Variants in CYP4F12 observed in about 807,000 individuals in gnomAD.
CYP4F12 encodes cytochrome P450 4F12.
CYP4F12 carries 60 observed loss-of-function variants against 56.5 expected under a neutral mutation model. The observed-to-expected ratio is 1.06, with a 90% confidence interval of 0.86 to 1.32. CYP4F12 has a LOEUF of 1.32. CYP4F12 is among the 40% of genes most tolerant of loss of function. The pLI is 0.00. For synonymous variants in CYP4F12, 263 were observed against 264.9 expected, an observed-to-expected ratio of 0.99 and a Z score of 0.07; for missense variants, 711 against 683.5, an observed-to-expected ratio of 1.04 and a Z score of -0.45.
intron 9 of CYP4F12, among the ~76,000 whole-genome samples, chr19:15,690,078 C>A (rs932390886): frequency 6.6e-5 from 10 of 152,192 alleles, no homozygotes; most frequent in African/African-American, 2.4e-4. Flanking sequence ...AACCAAACCA[C>A]TTATATCCCA....
intron 3 of CYP4F12, among the ~76,000 whole-genome samples, chr19:15,679,991 T>C (rs1213478271): frequency 6.6e-6 from 1 of 152,298 alleles, no homozygotes; most frequent in East Asian, 1.9e-4. Context: ...GCAGAACATG[T>C]TGGGATATAT....
Position 15,673,514 on chromosome 19 carries a change from C to A in CYP4F12, c.-1-15C>A. On this transcript the variant is annotated splice_polypyrimidine_tract_variant and intron_variant, in intron 1 of 12. Coordinates refer to ENST00000550308, the MANE Select transcript of CYP4F12 (RefSeq NM_023944.4). ...GGGCCTCAGGTCCTCACCCTGCATCCCCTCTGCCCTGCAGGATGTCGCTGC... is the reference window on the plus strand; with the variant it reads ...GGGCCTCAGGTCCTCACCCTGCATCACCTCTGCCCTGCAGGATGTCGCTGC... 1 of 1,611,790 alleles carries A rather than the reference C, an allele frequency of 6.2e-7. No homozygotes were observed. The highest frequency in any genetic ancestry group is 1.3e-5 in the African/African-American group (1 of 75,030).
chr19:15,693,219 T>C (rs957370858), intron 9 of CYP4F12, among the ~76,000 whole-genome samples: 2 of 152,220 alleles, frequency 1.3e-5, no homozygotes, highest in South Asian at 4.1e-4. Context: ...GTAAATGGCA[T>C]TGGGCCATAG....
chr19:15,680,238 T>C lies in CYP4F12; in HGVS notation c.344-6T>C, dbSNP rs767908666. 4 of 1,596,598 alleles carry C rather than the reference T, an allele frequency of 2.5e-6. No individual in the cohort carries two copies. The highest frequency in any genetic ancestry group is 4.5e-5 in the East Asian group (2 of 44,876). ...CATGGCCCCTGATGGTCCTCGTTCA[T>C]GTCAGCTGCCATTGCACCCAAGGAT... On this transcript the variant is annotated splice_region_variant and splice_polypyrimidine_tract_variant and intron_variant, in intron 3 of 12. Transcript: ENST00000550308.
chr19:15,681,323 C>T (rs1293722017), intron 5 of CYP4F12: 4 of 152,256 alleles, frequency 2.6e-5, no homozygotes, highest in Non-Finnish European at 5.9e-5. Context: ...GGTACGAATA[C>T]AGGGAGAAGT....
intron 9 of CYP4F12, among the ~76,000 whole-genome samples, chr19:15,694,896 T>C (rs1334008848): frequency 2.0e-5 from 3 of 152,228 alleles, no homozygotes; most frequent in Non-Finnish European, 4.4e-5. Flanking sequence ...ACTTTTACAC[T>C]GTTGGTGGGA....
chr19:15,674,368 C>T lies in CYP4F12; in HGVS notation c.198+641C>T, dbSNP rs551008161. On this transcript the variant is annotated intron_variant, in intron 2 of 12. Coordinates refer to ENST00000550308, the MANE Select transcript of CYP4F12 (RefSeq NM_023944.4). Reference sequence around the variant, plus strand: ...CCACTCACTCATTCCTCTCCTCACTCACTCATTCCTCTACCCACTCACTCA... The same window carrying T: ...CCACTCACTCATTCCTCTCCTCACTTACTCATTCCTCTACCCACTCACTCA... Among the ~76,000 whole-genome samples the T allele has an allele frequency of 1.3e-3, 126 of 93,418 alleles. 26 individuals carry two copies. Among genetic ancestry groups the T allele is most frequent in the African/African-American group, 4.9e-3 (116 of 23,690 alleles). 61.3% of individuals were successfully genotyped at this position (93,418 alleles called of 152,430 possible). A position where few individuals can be genotyped will look rare whatever the true frequency, so the allele number is the denominator to read the frequency against.
At chr19:15,680,776 A>G in intron 5 of CYP4F12, 1 of 509,480 alleles carries the variant, frequency 2.0e-6, no homozygotes. Context: ...GAGAGTAAAA[A>G]TGAAGATTGT....
chr19:15,680,483 T>TA lies in CYP4F12; in HGVS notation c.490dup (p.Ile164AsnfsTer13). ...TCCATTTCAACATCCTGAAGTCCTATATAACGATCTTCAACAAGAGTGCAA... is the reference window on the plus strand; with the variant it reads ...TCCATTTCAACATCCTGAAGTCCTATAATAACGATCTTCAACAAGAGTGCAA... On this transcript the variant is annotated frameshift_variant, in exon 5 of 13. Coordinates refer to ENST00000550308, the MANE Select transcript of CYP4F12 (RefSeq NM_023944.4). LOFTEE classifies it high-confidence loss of function. The TA allele has an allele frequency of 6.2e-7, 1 of 1,614,158 alleles. No homozygotes were observed. Among genetic ancestry groups the TA allele is most frequent in the South Asian group, 1.1e-5 (1 of 91,074 alleles).
intron 8 of CYP4F12, 72 bp from the exon 9 acceptor site, chr19:15,684,996 C>T: frequency 6.3e-7 from 1 of 1,585,672 alleles, no homozygotes; most frequent in Non-Finnish European, 8.6e-7. Context: ...CCTCCATCCT[C>T]CTGAGGGCCT....
chr19:15,695,179 A>G (rs1025166217), intron 9 of CYP4F12, among the ~76,000 whole-genome samples: 6 of 152,284 alleles, frequency 3.9e-5, no homozygotes, highest in African/African-American at 1.4e-4. Flanking sequence ...GCCATAAAAA[A>G]TGATGAGTTC....
Position 15,685,230 on chromosome 19 carries a change from C to T in CYP4F12, c.1115+33C>T, listed in dbSNP as rs750126235. ...CAAGTTCTTCTGGCCTGTTCCTGAG[C>T]CCATCATTGGTTCTGCTCCCCAAGT... On this transcript the variant is annotated intron_variant, in intron 9 of 12. Transcript: ENST00000550308. 4 of 1,606,382 alleles carry T rather than the reference C, an allele frequency of 2.5e-6. No individual in the cohort carries two copies. The Admixed American group carries it at 5.0e-5, about 20-fold the overall frequency.
intron 7 of CYP4F12, 83 bp from the exon 8 acceptor site, chr19:15,684,733 C>A: frequency 1.5e-6 from 2 of 1,361,586 alleles, no homozygotes; most frequent in Non-Finnish European, 2.0e-6. Flanking sequence ...GGTTAGACTC[C>A]GGAGTCTCAG....
chr19:15,680,392 G>A lies in CYP4F12; in HGVS notation c.398G>A (p.Gly133Glu), dbSNP rs1303829499. Reference protein sequence around the residue: ...LFIRFLKPWLGEGILLSGGDK... With the variant: ...LFIRFLKPWLEEGILLSGGDK... ...CCACTGTCCTTGGCTGCCCTACTAG[G>A]AGAAGGGATACTGCTGAGTGGCGGT... The change falls in exon 5 of 13, where the codon GGA becomes GAA. Residue 133 changes from glycine to glutamate, a missense_variant and splice_region_variant. Gly to Glu is a moderately conservative substitution (Grantham distance 98). Transcript: ENST00000550308. 6.2e-7 allele frequency: 1 copy of A among 1,613,974 alleles called. No individual in the cohort carries two copies. Among genetic ancestry groups the A allele is most frequent in the African/African-American group, 1.3e-5 (1 of 74,902 alleles).
Position 15,683,781 on chromosome 19 carries a change from C to G in CYP4F12, c.918+18C>G. ...TGAGCAAGGTAGGTTTCTCTATGAT[C>G]TGAATTTAGGTGAGAGAATAGAGCT... On this transcript the variant is annotated intron_variant, in intron 7 of 12. Transcript: ENST00000550308. 1 of 1,518,740 alleles carries G rather than the reference C, an allele frequency of 6.6e-7. No homozygotes were observed. Among genetic ancestry groups the G allele is most frequent in the Non-Finnish European group, 8.8e-7 (1 of 1,135,476 alleles). 94.1% of individuals were successfully genotyped at this position (1,518,740 alleles called of 1,614,324 possible).
At chr19:15,686,247 T>G (rs1489214460) in intron 9 of CYP4F12, among the ~76,000 whole-genome samples, 3 of 152,110 alleles carry the variant, frequency 2.0e-5, no homozygotes, top group African/African-American at 7.2e-5. Context: ...GAGGTCAGGT[T>G]TAAGATCAAC....
intron 9 of CYP4F12, among the ~76,000 whole-genome samples, chr19:15,694,210 T>C (rs2008015990): frequency 6.6e-6 from 1 of 151,894 alleles, no homozygotes; most frequent in African/African-American, 2.4e-5. Context: ...AAGTAGTTTT[T>C]TCCAATTCTG....
intron 9 of CYP4F12, among the ~76,000 whole-genome samples, chr19:15,687,727 G>T (rs1393974173): frequency 6.6e-6 from 1 of 152,172 alleles, no homozygotes; most frequent in Non-Finnish European, 1.5e-5. Context: ...ACAGGAGAAG[G>T]CCTTAACTCT....
chr19:15,689,401 C>T (rs1171748142), intron 9 of CYP4F12, among the ~76,000 whole-genome samples: 2 of 152,078 alleles, frequency 1.3e-5, no homozygotes, highest in African/African-American at 4.8e-5. Flanking sequence ...AAATTAAAAC[C>T]ACAATGAGAT....
Sources: gnomAD v4.1 joint callset for allele counts (sites outside exome capture counted in the v4.1 genomes callset) on GRCh38, gnomAD v4.1.1 for gene constraint, MANE v1.5 for transcripts, NCBI Gene and HGNC (gene_info 2026-07-23, HGNC 2026-07-21) for gene names.